The following PCDHA2 variants were observed in gnomAD, a reference collection of about 807,000 sequenced individuals.
The protein encoded by PCDHA2 is protocadherin alpha 2, also known as protocadherin alpha-2.
Under a neutral mutation model 66.0 loss-of-function variants are expected in PCDHA2, and 58 were observed. The observed-to-expected ratio is 0.88, with a 90% CI of 0.71 to 1.09. The LOEUF (loss-of-function observed/expected upper bound fraction) is 1.09. Ranked by LOEUF, PCDHA2 falls within the 50% of genes least tolerant of loss-of-function variation. PCDHA2 has a pLI of 0.00. For missense variants in PCDHA2, 1,267 were observed against 1,242.3 expected (o/e 1.02, Z -0.30); for synonymous variants, 634 against 554.0 (o/e 1.14, Z -2.03).
At chr5:140,815,732 A>G (rs1410141978) in intron 1 of PCDHA2, 2 of 152,184 alleles carry the variant, frequency 1.3e-5, no homozygotes. Flanking sequence ...TTTTAACTCA[A>G]AAGGCCCCCT....
rs782611214 is a variant in PCDHA2 at position 140,796,588 on chromosome 5, G to A, written c.1624G>A (p.Val542Met). The A allele has an allele frequency of 6.2e-7, 1 of 1,612,780 alleles. No individual in the cohort carries two copies. Among genetic ancestry groups the A allele is most frequent in the East Asian group, 2.2e-5 (1 of 44,762 alleles). Reference sequence around the variant, plus strand: ...CCAGGTGAGCGCGCGGGATGCGGGCGTGCCGCCTCTGGGCAGCAACGTGAC... The same window carrying A: ...CCAGGTGAGCGCGCGGGATGCGGGCATGCCGCCTCTGGGCAGCAACGTGAC... ...QFQVSARDAG[V>M]PPLGSNVTLQ... is the part of the protein sequence containing the mutation. The change falls in exon 1 of 4, where the codon GTG (valine) becomes ATG (methionine). Residue 542 changes from valine to methionine, a missense_variant. Val to Met is a conservative substitution (Grantham distance 21). Coordinates refer to ENST00000526136, the MANE Select transcript of PCDHA2 (RefSeq NM_018905.3).
intron 1 of PCDHA2, chr5:140,870,153 C>G (rs537593818): frequency 6.2e-7 from 1 of 1,614,088 alleles, no homozygotes; most frequent in East Asian, 2.2e-5. Flanking sequence ...CTGAAGTCGC[C>G]GTGACTTCCT....
intron 1 of PCDHA2, chr5:140,927,058 C>T (rs376173105): frequency 1.2e-6 from 2 of 1,611,256 alleles, no homozygotes; most frequent in African/African-American, 1.3e-5. Flanking sequence ...GCGGAACTTT[C>T]GCTTCCTTTC....
At position 140,802,244 on chromosome 5, in the gene PCDHA2, G is replaced by A. The variant is rs782339533; in HGVS notation, c.2388+4892G>A. 2.5e-6 allele frequency: 4 copies of A among 1,614,238 alleles called. No homozygotes were observed. In the East Asian group the frequency reaches 8.9e-5, roughly 36 times the overall value. On this transcript the variant is annotated intron_variant, in intron 1 of 3. Coordinates refer to ENST00000526136, the MANE Select transcript of PCDHA2 (RefSeq NM_018905.3). ...TGGACATCAATGATAATGTACCTGA[G>A]TTAGTTATTCAATCACTATCTTTAC...
chr5:140,929,698 G>A (rs2086308201), intron 1 of PCDHA2: 1 of 263,620 alleles, frequency 3.8e-6, no homozygotes, highest in Non-Finnish European at 7.5e-6. Flanking sequence ...TGCTTTATAT[G>A]AATATAATAT....
intron 1 of PCDHA2, among the ~76,000 whole-genome samples, chr5:140,904,135 G>A (rs1310606905): frequency 6.6e-5 from 10 of 151,986 alleles, no homozygotes; most frequent in Non-Finnish European, 1.0e-4. Context: ...CCCATCACCC[G>A]AGCAGTATAC....
intron 1 of PCDHA2, chr5:140,809,672 T>A: frequency 7.2e-7 from 1 of 1,380,526 alleles, no homozygotes; most frequent in Non-Finnish European, 9.8e-7. Context: ...TGGGTTAAAA[T>A]TTTACCTCTT....
At chr5:140,828,326 C>T (rs1554131212) in intron 1 of PCDHA2, 1 of 1,614,206 alleles carries the variant, frequency 6.2e-7, no homozygotes, top group Non-Finnish European at 8.5e-7. Flanking sequence ...GGAGGTAAAT[C>T]TGCAGAATGG....
At chr5:140,804,030 TA>T (rs1285942918) in intron 1 of PCDHA2, 1 of 192,144 alleles carries the variant, frequency 5.2e-6, no homozygotes, top group Non-Finnish European at 1.1e-5. Flanking sequence ...TGAGTTCACC[TA>T]ATGCTTATAA....
intron 1 of PCDHA2, chr5:140,929,668 A>G (rs1554207270): frequency 3.1e-6 from 1 of 324,518 alleles, no homozygotes; most frequent in East Asian, 5.3e-5. Flanking sequence ...AAAGTGAAGA[A>G]TGAAAAATAT....
rs2150419460 is a variant in PCDHA2 at position 140,848,757 on chromosome 5, T to C, written c.2388+51405T>C. 2.5e-6 allele frequency: 4 copies of C among 1,593,378 alleles called. No individual in the cohort carries two copies. In the South Asian group the frequency reaches 4.4e-5, roughly 18 times the overall value. Reference sequence around the variant, plus strand: ...GCAGAATGGCATTTTGTTTGTGAATTCTCGGATCGACCGCGAGGAGCTGTG... The same window carrying C: ...GCAGAATGGCATTTTGTTTGTGAATCCTCGGATCGACCGCGAGGAGCTGTG... On this transcript the variant is annotated intron_variant, in intron 1 of 3. Transcript: ENST00000526136.
At chr5:140,823,190 A>G in intron 1 of PCDHA2, 2 of 1,613,854 alleles carry the variant, frequency 1.2e-6, no homozygotes, top group South Asian at 1.1e-5. Flanking sequence ...CCAGGCTGCC[A>G]CATCTTCACG....
At chr5:140,821,141 T>G (rs190404735) in intron 1 of PCDHA2, among the ~76,000 whole-genome samples, 63 of 152,270 alleles carry the variant, frequency 4.1e-4, no homozygotes, top group African/African-American at 1.3e-3. Flanking sequence ...ATTTGTTTTA[T>G]GAGTAACACG....
chr5:140,917,449 C>G (rs1290889939), intron 1 of PCDHA2, among the ~76,000 whole-genome samples: 1 of 152,006 alleles, frequency 6.6e-6, no homozygotes, highest in Admixed American at 6.6e-5. Context: ...GCTGCAAGAG[C>G]GTTTGGCATC....
At chr5:140,919,254 T>A (rs1554198989) in intron 1 of PCDHA2, among the ~76,000 whole-genome samples, 1 of 152,266 alleles carries the variant, frequency 6.6e-6, no homozygotes. Context: ...CTGTTTTGTC[T>A]GATATTAGTG....
chr5:140,945,614 A>G lies in PCDHA2; in HGVS notation c.2389-33335A>G, dbSNP rs2093816394. Among the ~76,000 whole-genome samples the G allele has an allele frequency of 2.0e-5, 3 of 152,278 alleles. No homozygotes were observed. The South Asian group carries it at 6.2e-4, about 32-fold the overall frequency. ...TCAAAGCTATAATAATCAAAACAGC[A>G]TGGTACTGGCATAAAAGACATGTAG... On this transcript the variant is annotated intron_variant, in intron 1 of 3. Coordinates refer to ENST00000526136, the MANE Select transcript of PCDHA2 (RefSeq NM_018905.3).
intron 1 of PCDHA2, among the ~76,000 whole-genome samples, chr5:140,933,223 A>G (rs1005553040): frequency 1.3e-5 from 2 of 152,018 alleles, no homozygotes; most frequent in African/African-American, 4.8e-5. Context: ...GTTATATTGC[A>G]TTTATGAAAA....
intron 1 of PCDHA2, chr5:140,811,707 T>C (rs1422423602): frequency 2.0e-5 from 3 of 152,302 alleles, no homozygotes; most frequent in African/African-American, 7.2e-5. Context: ...TGGTGTGAGA[T>C]GGTATCTCAT....
At chr5:140,829,402 C>T in intron 1 of PCDHA2, 1 of 1,614,150 alleles carries the variant, frequency 6.2e-7, no homozygotes, top group Non-Finnish European at 8.5e-7. Flanking sequence ...CGCTGTGGGC[C>T]ACCGCCAGCT....
Sources: allele counts gnomAD v4.1 joint callset (sites outside exome capture counted in the v4.1 genomes callset), GRCh38; gene constraint gnomAD v4.1.1; transcripts MANE v1.5; gene names NCBI Gene and HGNC (gene_info 2026-07-23, HGNC 2026-07-21).